LRP1B: variants seen among roughly 807,000 people sequenced by gnomAD.
LRP1B encodes LDL receptor related protein 1B.
LRP1B carries 217 observed loss-of-function variants against 556.6 expected under a neutral mutation model. The observed-to-expected ratio is 0.39, with a 90% CI of 0.35 to 0.44. The LOEUF is 0.44. Ranked by LOEUF, LRP1B falls within the 20% of genes least tolerant of loss-of-function variation. The pLI is 1.00. For synonymous variants in LRP1B, 2,047 were observed against 1,865.8 expected (o/e 1.10, Z -2.50); for missense variants, 5,053 against 5,620.8 (o/e 0.90, Z 3.23).
At chr2:142,064,136 G>C (rs1705016032) in intron 1 of LRP1B, among the ~76,000 whole-genome samples, 1 of 151,366 alleles carries the variant, frequency 6.6e-6, no homozygotes, top group Admixed American at 6.6e-5. Context: ...TGATTCATTG[G>C]AATTTTATTC....
intron 2 of LRP1B, among the ~76,000 whole-genome samples, chr2:141,548,642 C>T (rs530792655): frequency 4.3e-4 from 65 of 152,128 alleles, no homozygotes; most frequent in African/African-American, 1.5e-3. Context: ...GGTACATGAC[C>T]CAAGACTTGC....
chr2:140,612,139 T>A (rs1683093893), intron 41 of LRP1B, among the ~76,000 whole-genome samples: 1 of 152,074 alleles, frequency 6.6e-6, no homozygotes, highest in Non-Finnish European at 1.5e-5. Flanking sequence ...AAAAGAAGAA[T>A]CCTAGTCTAT....
chr2:142,084,596 A>G (rs1325211400), intron 1 of LRP1B, among the ~76,000 whole-genome samples: 3 of 152,078 alleles, frequency 2.0e-5, no homozygotes, highest in Non-Finnish European at 2.9e-5. Flanking sequence ...ACCAAGTCCT[A>G]TTAATTTTAC....
chr2:140,909,725 A>G (rs2105235528), intron 21 of LRP1B, among the ~76,000 whole-genome samples: 1 of 151,182 alleles, frequency 6.6e-6, no homozygotes, highest in East Asian at 2.0e-4. Flanking sequence ...TAATATAATC[A>G]TATAATTATA....
intron 54 of LRP1B, among the ~76,000 whole-genome samples, chr2:140,502,279 C>G (rs1022743554): frequency 1.3e-5 from 2 of 151,866 alleles, no homozygotes; most frequent in African/African-American, 4.8e-5. Context: ...GTAGATATTC[C>G]TAAATTCTTT....
intron 41 of LRP1B, among the ~76,000 whole-genome samples, chr2:140,686,233 A>G (rs758942829): frequency 2.0e-5 from 3 of 152,132 alleles, no homozygotes; most frequent in Non-Finnish European, 2.9e-5. Context: ...ATCACATAAA[A>G]TCTGGAGAGG....
intron 1 of LRP1B, among the ~76,000 whole-genome samples, chr2:141,951,173 CTTTAT>C (rs1701094454): frequency 6.6e-6 from 1 of 151,806 alleles, no homozygotes; most frequent in South Asian, 2.1e-4. Context: ...ATGATCATTC[CTTTAT>C]ATTTTTAAAT....
At chr2:141,371,941 G>A (rs1244575508) in intron 3 of LRP1B, among the ~76,000 whole-genome samples, 1 of 152,016 alleles carries the variant, frequency 6.6e-6, no homozygotes, top group East Asian at 1.9e-4. Flanking sequence ...TTCTTGTCAT[G>A]TTTCAATTCT....
At chr2:141,379,135 T>A (rs1366664627) in intron 3 of LRP1B, among the ~76,000 whole-genome samples, 1 of 152,100 alleles carries the variant, frequency 6.6e-6, no homozygotes, top group African/African-American at 2.4e-5. Flanking sequence ...CAATTCACCA[T>A]GTATAAAGGA....
At chr2:142,100,686 T>C (rs1706539900) in intron 1 of LRP1B, among the ~76,000 whole-genome samples, 1 of 151,988 alleles carries the variant, frequency 6.6e-6, no homozygotes, top group Non-Finnish European at 1.5e-5. Context: ...GAAAACTGCA[T>C]ACCTCTGTAA....
intron 1 of LRP1B, among the ~76,000 whole-genome samples, chr2:141,897,386 A>C (rs2104926621): frequency 6.6e-6 from 1 of 152,332 alleles, no homozygotes; most frequent in South Asian, 2.1e-4. Context: ...GAAGGATGTT[A>C]CTTAGGGCTG....
At chr2:140,790,951 T>TG in intron 32 of LRP1B, among the ~76,000 whole-genome samples, 1 of 151,126 alleles carries the variant, frequency 6.6e-6, no homozygotes, top group Admixed American at 6.6e-5. Flanking sequence ...TTTTTTTTTT[T>TG]TTTTTTTTAA....
chr2:141,137,133 T>C (rs1050293214), intron 7 of LRP1B, among the ~76,000 whole-genome samples: 1 of 152,134 alleles, frequency 6.6e-6, no homozygotes, highest in Admixed American at 6.6e-5. Context: ...TAATTTCTGG[T>C]ATGGAATATT....
At chr2:142,035,026 T>G (rs959876575) in intron 1 of LRP1B, among the ~76,000 whole-genome samples, 6 of 151,784 alleles carry the variant, frequency 4.0e-5, no homozygotes, top group Non-Finnish European at 8.8e-5. Flanking sequence ...TTTACTAATT[T>G]AAAATGGGTA....
chr2:140,838,562 T>C (rs1691994778), intron 31 of LRP1B, among the ~76,000 whole-genome samples: 1 of 152,186 alleles, frequency 6.6e-6, no homozygotes, highest in African/African-American at 2.4e-5. Context: ...ATCATCACTA[T>C]GAAAAATGTG....
At chr2:141,177,205 C>A (rs1680775953) in intron 7 of LRP1B, among the ~76,000 whole-genome samples, 1 of 152,042 alleles carries the variant, frequency 6.6e-6, no homozygotes, top group African/African-American at 2.4e-5. Context: ...GAAGGAGGCT[C>A]CATCTCTCAA....
chr2:141,481,109 G>C (rs1682904422), intron 2 of LRP1B, among the ~76,000 whole-genome samples: 1 of 152,078 alleles, frequency 6.6e-6, no homozygotes, highest in Non-Finnish European at 1.5e-5. Flanking sequence ...AACTACAATA[G>C]AATAAAATTT....
intron 1 of LRP1B, among the ~76,000 whole-genome samples, chr2:141,913,754 A>AT (rs942425262): frequency 3.2e-4 from 47 of 148,916 alleles, no homozygotes; most frequent in African/African-American, 5.9e-4. Flanking sequence ...ACCCTCCTAC[A>AT]TTTTTTTTTT....
intron 1 of LRP1B, among the ~76,000 whole-genome samples, chr2:141,861,333 A>G (rs1698232669): frequency 1.3e-5 from 2 of 152,170 alleles, no homozygotes. Context: ...CCTACATTCA[A>G]TATTCACCAA....
Sources: allele counts gnomAD v4.1 joint callset (sites outside exome capture counted in the v4.1 genomes callset), GRCh38; gene constraint gnomAD v4.1.1; transcripts MANE v1.5; gene names NCBI Gene and HGNC (gene_info 2026-07-23, HGNC 2026-07-21).